The following BIRC6 variants were observed in gnomAD, a reference collection of about 807,000 sequenced individuals.
The protein encoded by BIRC6 is baculoviral IAP repeat containing 6.
BIRC6 carries 98 observed loss-of-function variants against 503.3 expected under a neutral mutation model. That is an observed-to-expected ratio of 0.19 (90% confidence interval 0.17 to 0.23). The LOEUF (loss-of-function observed/expected upper bound fraction) is 0.23, where lower values mean the gene tolerates loss of function less well. Among genes scored for constraint, BIRC6 ranks in the 10% least tolerant of loss-of-function variants. The probability of loss-of-function intolerance (pLI) is 1.00; values close to 1 mark genes in which losing one functional copy is unlikely to be tolerated. For synonymous variants in BIRC6, 2,240 were observed against 2,078.7 expected (o/e 1.08, Z -2.11); for missense variants, 5,360 against 5,806.0 (o/e 0.92, Z 2.50).
At chr2:32,416,401 C>T (rs1447901298) in intron 10 of BIRC6, among the ~76,000 whole-genome samples, 1 of 151,936 alleles carries the variant, frequency 6.6e-6, no homozygotes, top group Non-Finnish European at 1.5e-5. Flanking sequence ...TCTGCTTTAA[C>T]CTCAAGAAAA....
At position 32,375,231 on chromosome 2, in the gene BIRC6, T is replaced by G. The variant is rs377658944; in HGVS notation, c.326-2357T>G. ...AGGGACAGTTTTATTTCTTTTTGAT[T>G]TGTTTGCCTTTTATATCCTGATTTT... On this transcript the variant is annotated intron_variant, in intron 1 of 73. Transcript: ENST00000421745. Among the ~76,000 whole-genome samples, 235 of 152,332 alleles carry G rather than the reference T, an allele frequency of 1.5e-3. 1 individual carries two copies. Among genetic ancestry groups the G allele is most frequent in the African/African-American group, 5.4e-3 (226 of 41,580 alleles).
intron 57 of BIRC6, among the ~76,000 whole-genome samples, chr2:32,524,017 C>T (rs372889654): frequency 6.6e-6 from 1 of 150,654 alleles, no homozygotes; most frequent in East Asian, 1.9e-4. Context: ...GCACTCCAGC[C>T]TGGGCAACAC....
chr2:32,576,320 G>A (rs1307207011), intron 66 of BIRC6, among the ~76,000 whole-genome samples: 1 of 152,160 alleles, frequency 6.6e-6, no homozygotes, highest in Admixed American at 6.5e-5. Flanking sequence ...TTACACCTTA[G>A]TAGATTCAGA....
intron 35 of BIRC6, among the ~76,000 whole-genome samples, chr2:32,478,106 G>A (rs1011053653): frequency 1.3e-4 from 19 of 151,938 alleles, no homozygotes; most frequent in Admixed American, 3.3e-4. Flanking sequence ...TTCGGGAGGC[G>A]GAGGGGCGGA....
At chr2:32,610,670 T>C (rs1472632350) in intron 72 of BIRC6, among the ~76,000 whole-genome samples, 18 of 152,236 alleles carry the variant, frequency 1.2e-4, no homozygotes. Context: ...ATATGTGTCT[T>C]GTGGTCTCTG....
intron 61 of BIRC6, among the ~76,000 whole-genome samples, chr2:32,536,091 G>T (rs1286260182): frequency 6.6e-6 from 1 of 152,202 alleles, no homozygotes; most frequent in African/African-American, 2.4e-5. Context: ...TCTTTTGGCT[G>T]CATAAATGTC....
rs1429356868 is a variant in BIRC6 at position 32,518,903 on chromosome 2, G to A, written c.11580G>A (p.Leu3860=). The change falls in exon 57 of 74, where the codon TTG becomes TTA. Residue 3860 remains leucine (L), a synonymous_variant. Transcript: ENST00000421745. ...GCCACAAATTCCGTACTCTTCATTT[G>A]CCAGTCTCAACAACATTATCAGATG... The part of the protein sequence containing the change: ...GAGHKFRTLH[L]PVSTTLSDVL... 1 of 1,613,794 alleles carries A rather than the reference G, an allele frequency of 6.2e-7. No individual in the cohort carries two copies. The highest frequency in any genetic ancestry group is 8.5e-7 in the Non-Finnish European group (1 of 1,179,796).
At position 32,487,705 on chromosome 2, in the gene BIRC6, C is replaced by T. The variant is rs374743255; in HGVS notation, c.7872C>T (p.Asn2624=). 1.2e-6 allele frequency: 2 copies of T among 1,613,612 alleles called. No individual in the cohort carries two copies. Among genetic ancestry groups the T allele is most frequent in the African/African-American group, 2.7e-5 (2 of 74,890 alleles). The change falls in exon 41 of 74, where the codon AAC becomes AAT. Residue 2624 remains asparagine (N), a synonymous_variant. Transcript: ENST00000421745. The part of the protein sequence containing the change: ...DSLLGGLQAA[N]QTSQLIIQLS... ...TTCTAGGGGGTTTACAAGCAGCAAACCAAACCAGCCAGCTTATTATACAGT... is the reference window on the plus strand; with the variant it reads ...TTCTAGGGGGTTTACAAGCAGCAAATCAAACCAGCCAGCTTATTATACAGT...
intron 9 of BIRC6, among the ~76,000 whole-genome samples, 181 bp downstream of exon 9, chr2:32,406,738 C>T (rs1478552009): frequency 6.6e-6 from 1 of 152,070 alleles, no homozygotes; most frequent in African/African-American, 2.4e-5. Flanking sequence ...ACATAGTGTT[C>T]CATATTTAAA....
Position 32,515,304 on chromosome 2 carries a change from A to G in BIRC6, c.10883A>G (p.Asp3628Gly). Reference protein sequence around the residue: ...QSPEAIKQLLDSGLPSLLVRS... With the variant: ...QSPEAIKQLLGSGLPSLLVRS... The stretch of plus-strand genomic sequence containing the variant: ...CCTGAAGCTATTAAACAATTACTAG[A>G]CTCAGGTTTGCCTTCTCTTCTTGTG... Residue 3628 changes from aspartate (D) to glycine (G), a missense_variant, in exon 55 of 74, where the codon GAC becomes GGC. By Grantham distance (94) the Asp-to-Gly change is moderately conservative (BLOSUM62 -1). Coordinates refer to ENST00000421745, the MANE Select transcript of BIRC6 (RefSeq NM_016252.4). 1.2e-6 allele frequency: 2 copies of G among 1,613,780 alleles called. No homozygotes were observed. The highest frequency in any genetic ancestry group is 1.7e-6 in the Non-Finnish European group (2 of 1,179,854).
chr2:32,450,942 G>A (rs2046646607), intron 22 of BIRC6, among the ~76,000 whole-genome samples: 1 of 152,068 alleles, frequency 6.6e-6, no homozygotes, highest in East Asian at 1.9e-4. Context: ...TTTTTCCCCT[G>A]AATATTTTCT....
chr2:32,511,011 G>A (rs2054334944), intron 53 of BIRC6, among the ~76,000 whole-genome samples: 1 of 152,112 alleles, frequency 6.6e-6, no homozygotes. Context: ...GGGATATTGT[G>A]TCTGTAGTTG....
chr2:32,471,210 C>G (rs1485483177), intron 32 of BIRC6, 86 bp downstream of exon 32: 1 of 1,507,646 alleles, frequency 6.6e-7, no homozygotes, highest in African/African-American at 1.4e-5. Context: ...GCAGTTGTTC[C>G]AGAACTGGCT....
chr2:32,579,433 G>A (rs574677281), intron 66 of BIRC6, among the ~76,000 whole-genome samples: 23 of 152,194 alleles, frequency 1.5e-4, no homozygotes, highest in African/African-American at 4.8e-4. Flanking sequence ...CTGGATCCCA[G>A]TGCCAGCACT....
intron 3 of BIRC6, among the ~76,000 whole-genome samples, chr2:32,382,359 C>T (rs1003039272): frequency 6.6e-6 from 1 of 152,186 alleles, no homozygotes; most frequent in Middle Eastern, 3.2e-3. Context: ...CTAAAACAAC[C>T]AAACCAAAAC....
chr2:32,451,743 G>A (rs1182845340), intron 22 of BIRC6, among the ~76,000 whole-genome samples: 1 of 152,076 alleles, frequency 6.6e-6, no homozygotes, highest in African/African-American at 2.4e-5. Context: ...GACAAACTAC[G>A]CCCATTTGCA....
chr2:32,451,297 C>T lies in BIRC6; in HGVS notation c.4618+2369C>T, dbSNP rs185493153. Among the ~76,000 whole-genome samples the T allele has an allele frequency of 5.6e-4, 85 of 152,196 alleles. No individual in the cohort carries two copies. In the Middle Eastern group the frequency reaches 0.014, roughly 24 times the overall value. On this transcript the variant is annotated intron_variant, in intron 22 of 73. Transcript: ENST00000421745. ...GCCACTTTATCTTGTGTCATTGCCCCGTTTAGTCTTTTTTGGCCCTGTGAT... is the reference window on the plus strand; with the variant it reads ...GCCACTTTATCTTGTGTCATTGCCCTGTTTAGTCTTTTTTGGCCCTGTGAT...
Position 32,415,735 on chromosome 2 carries a change from C to T in BIRC6, c.2444C>T (p.Pro815Leu), listed in dbSNP as rs1454699327. 6.2e-7 allele frequency: 1 copy of T among 1,613,718 alleles called. No homozygotes were observed. Among genetic ancestry groups the T allele is most frequent in the Non-Finnish European group, 8.5e-7 (1 of 1,179,830 alleles). The change falls in exon 10 of 74, where the codon CCT (proline) becomes CTT (leucine). Residue 815 changes from proline (P) to leucine (L), a missense_variant. By Grantham distance (98) the Pro-to-Leu change is moderately conservative. Transcript: ENST00000421745. ...ADVQTPLIIQ[P>L]EQRNVSGGYL... ...GTACAGACTCCTTTAATAATTCAGCCTGAGCAGAGGAATGTTAGTGGTGGA... is the reference window on the plus strand; with the variant it reads ...GTACAGACTCCTTTAATAATTCAGCTTGAGCAGAGGAATGTTAGTGGTGGA...
rs2053399583 is a variant in BIRC6 at position 32,503,227 on chromosome 2, G to A, written c.9490G>A (p.Ala3164Thr). Reference protein sequence around the residue: ...PDNAEGIHNFAPLGTITSSSP... With the variant: ...PDNAEGIHNFTPLGTITSSSP... ...CAATGCTGAAGGGATTCATAACTTT[G>A]CACCCCTCGGTAAGAAAAGTGTTAC... is the stretch of plus-strand genomic sequence containing the variant. The change falls in exon 49 of 74, where the codon GCA (alanine) becomes ACA (threonine). Residue 3164 changes from alanine to threonine, a missense_variant. Around this residue, in one of 16 missense-constraint regions of BIRC6, gnomAD observed 267 missense variants for 287.6 expected, o/e 0.93. Coordinates refer to ENST00000421745, the MANE Select transcript of BIRC6 (RefSeq NM_016252.4). 1 of 1,602,298 alleles carries A rather than the reference G, an allele frequency of 6.2e-7. No individual in the cohort carries two copies. Among genetic ancestry groups the A allele is most frequent in the Admixed American group, 1.8e-5 (1 of 56,654 alleles).
Sources: gnomAD v4.1 joint callset for allele counts (sites outside exome capture counted in the v4.1 genomes callset) on GRCh38, gnomAD v4.1.1 for gene constraint, gnomAD v4.1.1 regional missense constraint, MANE v1.5 for transcripts, NCBI Gene and HGNC (gene_info 2026-07-23, HGNC 2026-07-21) for gene names.